LACTB2: variants seen among roughly 807,000 people sequenced by gnomAD.
LACTB2 encodes endoribonuclease LACTB2.
In LACTB2, 32 loss-of-function variants were observed where a neutral mutation model predicts 34.8. The observed-to-expected ratio is 0.92, with a 90% confidence interval of 0.69 to 1.24. The LOEUF (loss-of-function observed/expected upper bound fraction) is 1.24. Ranked by LOEUF, LACTB2 falls within the 50% of genes most tolerant of loss-of-function variation. The pLI is 0.00. For missense variants in LACTB2, 320 were observed against 345.0 expected (o/e 0.93, Z 0.57); for synonymous variants, 120 against 117.5 (o/e 1.02, Z -0.14).
At chr8:70,649,720 G>A (rs1293431040) in intron 3 of LACTB2, among the ~76,000 whole-genome samples, 8 of 152,106 alleles carry the variant, frequency 5.3e-5, no homozygotes, top group Non-Finnish European at 1.0e-4. Flanking sequence ...CAAATAGTCC[G>A]CTAAGATTTG....
intron 4 of LACTB2, among the ~76,000 whole-genome samples, chr8:70,641,549 A>C (rs1266691627): frequency 6.6e-6 from 1 of 152,184 alleles, no homozygotes; most frequent in East Asian, 1.9e-4. Flanking sequence ...TTCTGACAGG[A>C]TCTCTTAACC....
intron 3 of LACTB2, chr8:70,653,776 A>C (rs1818375162): frequency 6.6e-6 from 1 of 152,146 alleles, no homozygotes. Flanking sequence ...GGTCCATGAA[A>C]ACCTCCCATG....
intron 1 of LACTB2, among the ~76,000 whole-genome samples, chr8:70,663,665 T>C (rs1282451872): frequency 6.6e-6 from 1 of 152,138 alleles, no homozygotes; most frequent in East Asian, 1.9e-4. Flanking sequence ...CTGAGGTTTC[T>C]AGGTGGGAGG....
chr8:70,657,956 A>C (rs1818433604), intron 2 of LACTB2, 74 bp from the exon 3 acceptor site: 1 of 954,948 alleles, frequency 1.0e-6, no homozygotes, highest in Non-Finnish European at 1.5e-6. Context: ...ACTTTCATAG[A>C]GCTAACACTT....
intron 1 of LACTB2, among the ~76,000 whole-genome samples, chr8:70,664,581 G>C (rs1228786420): frequency 6.6e-6 from 1 of 151,462 alleles, no homozygotes; most frequent in African/African-American, 2.4e-5. Context: ...GCTCTCAAAA[G>C]AAAGAAAACA....
chr8:70,638,492 A>G, intron 6 of LACTB2, 56 bp downstream of exon 6: 1 of 1,477,114 alleles, frequency 6.8e-7, no homozygotes, highest in Non-Finnish European at 9.1e-7. Context: ...AAACTAAGGC[A>G]TCTGTAAAAA....
chr8:70,657,740 A>G lies in LACTB2; in HGVS notation c.413+16T>C. ...ACAGACTCTTCACCTTCCCTGGCTA[A>G]GGGACATTTACTTACCTTAGAGTGG... On this transcript the variant is annotated intron_variant, in intron 3 of 6. Coordinates refer to ENST00000276590, the MANE Select transcript of LACTB2 (RefSeq NM_016027.3). 6.2e-7 allele frequency: 1 copy of G among 1,603,358 alleles called. No homozygotes were observed. Among genetic ancestry groups the G allele is most frequent in the Non-Finnish European group, 8.5e-7 (1 of 1,175,210 alleles).
chr8:70,639,837 C>T (rs1405463465), intron 5 of LACTB2, among the ~76,000 whole-genome samples: 2 of 151,988 alleles, frequency 1.3e-5, no homozygotes, highest in Non-Finnish European at 2.9e-5. Flanking sequence ...TGGCACATGC[C>T]TGTAATCCCA....
rs763507857 is a variant in LACTB2 at position 70,657,898 on chromosome 8, A to G, written c.287-16T>C. On this transcript the variant is annotated splice_polypyrimidine_tract_variant and intron_variant, in intron 2 of 6. Coordinates refer to ENST00000276590, the MANE Select transcript of LACTB2 (RefSeq NM_016027.3). ...TAGGTAGTGTCTAGTCATAAAACAT[A>G]TAAAATATATTAATTCACACTTTAT... The G allele has an allele frequency of 2.0e-6, 3 of 1,536,370 alleles. No homozygotes were observed. The highest frequency in any genetic ancestry group is 2.3e-5 in the South Asian group (2 of 85,218).
chr8:70,655,227 T>A lies in LACTB2; in HGVS notation c.413+2529A>T, dbSNP rs537477454. Reference sequence around the variant, plus strand: ...TGCCGTTAATTAATTCCTATTTTTTTTTTTTTTTTGAGAGGGAGTTTCACT... The same window carrying A: ...TGCCGTTAATTAATTCCTATTTTTTATTTTTTTTTGAGAGGGAGTTTCACT... On this transcript the variant is annotated intron_variant, in intron 3 of 6. Transcript: ENST00000276590. Among the ~76,000 whole-genome samples the A allele has an allele frequency of 3.0e-3, 451 of 152,050 alleles. 1 individual carries two copies. The highest frequency in any genetic ancestry group is 0.01 in the African/African-American group (429 of 41,484).
chr8:70,639,313 C>T (rs1004336934), intron 5 of LACTB2, among the ~76,000 whole-genome samples: 1 of 151,896 alleles, frequency 6.6e-6, no homozygotes, highest in Non-Finnish European at 1.5e-5. Flanking sequence ...GCGTGTGCCA[C>T]CATGCCTCGC....
intron 3 of LACTB2, among the ~76,000 whole-genome samples, chr8:70,645,588 G>A (rs1818254461): frequency 6.6e-6 from 1 of 151,624 alleles, no homozygotes; most frequent in Admixed American, 6.6e-5. Context: ...TTGGTGTGCT[G>A]CACCCAGTAA....
At chr8:70,655,915 G>A (rs978399013) in intron 3 of LACTB2, among the ~76,000 whole-genome samples, 1 of 152,112 alleles carries the variant, frequency 6.6e-6, no homozygotes, top group Non-Finnish European at 1.5e-5. Context: ...AGGTGGTATT[G>A]CATTGCGGTT....
intron 1 of LACTB2, among the ~76,000 whole-genome samples, chr8:70,663,561 G>A (rs1271110557): frequency 6.6e-6 from 1 of 152,148 alleles, no homozygotes; most frequent in East Asian, 1.9e-4. Flanking sequence ...GTAAGGAAGA[G>A]ATGGCTTTAA....
intron 2 of LACTB2, among the ~76,000 whole-genome samples, chr8:70,659,897 A>G (rs1818461060): frequency 6.6e-6 from 1 of 152,190 alleles, no homozygotes. Context: ...AGTGTTCCAT[A>G]TCTTGACTGG....
chr8:70,648,580 A>G (rs1246469353), intron 3 of LACTB2, among the ~76,000 whole-genome samples: 1 of 152,148 alleles, frequency 6.6e-6, no homozygotes, highest in Non-Finnish European at 1.5e-5. Flanking sequence ...TGAGAGAGAA[A>G]AAAATAAAGT....
intron 4 of LACTB2, among the ~76,000 whole-genome samples, chr8:70,642,672 T>A (rs1818214461): frequency 6.6e-6 from 1 of 151,780 alleles, no homozygotes; most frequent in Non-Finnish European, 1.5e-5. Flanking sequence ...TTAGTAGGGA[T>A]GGGGTTTTGC....
chr8:70,644,363 AGCT>A, intron 3 of LACTB2, 120 bp from the exon 4 acceptor site: 1 of 648,398 alleles, frequency 1.5e-6, no homozygotes, highest in Non-Finnish European at 2.4e-6. Flanking sequence ...TGAGTTAAAA[AGCT>A]GCTTTTTCTT....
At chr8:70,645,572 G>A (rs1338201199) in intron 3 of LACTB2, among the ~76,000 whole-genome samples, 4 of 151,376 alleles carry the variant, frequency 2.6e-5, no homozygotes, top group East Asian at 3.9e-4. Flanking sequence ...GTATACATGC[G>A]CCATGTTGGT....
Sources: allele counts gnomAD v4.1 joint callset (sites outside exome capture counted in the v4.1 genomes callset), GRCh38; gene constraint gnomAD v4.1.1; transcripts MANE v1.5; gene names NCBI Gene and HGNC (gene_info 2026-07-23, HGNC 2026-07-21).